The following DPP6 variants were observed in gnomAD, a reference collection of about 807,000 sequenced individuals.
The protein encoded by DPP6 is A-type potassium channel modulatory protein DPP6.
A neutral mutation model predicts 122.6 loss-of-function variants in DPP6; 69 were observed. That is an observed-to-expected ratio of 0.56 (90% CI 0.46 to 0.69). The LOEUF is 0.69. Ranked by LOEUF, DPP6 falls within the 30% of genes least tolerant of loss-of-function variation. The pLI, the probability that DPP6 is intolerant of heterozygous loss-of-function variation, is 0.00. For missense variants in DPP6, 928 were observed against 1,116.9 expected (o/e 0.83, Z 2.41); for synonymous variants, 418 against 433.1 (o/e 0.97, Z 0.43).
intron 1 of DPP6, among the ~76,000 whole-genome samples, chr7:154,140,418 A>G (rs1422454027): frequency 4.6e-5 from 7 of 152,216 alleles, no homozygotes; most frequent in Non-Finnish European, 8.8e-5. Flanking sequence ...CACTTGCCTG[A>G]TAGAAAACCA....
Position 154,624,853 on chromosome 7 carries a change from C to T in DPP6, c.628-12968C>T, listed in dbSNP as rs1563027773. 6.6e-6 allele frequency among the ~76,000 whole-genome samples: 1 copy of T among 152,280 alleles called. No homozygotes were observed. Among genetic ancestry groups the T allele is most frequent in the Non-Finnish European group, 1.5e-5 (1 of 68,020 alleles). On this transcript the variant is annotated intron_variant, in intron 5 of 25. Transcript: ENST00000377770. This position sits in a 1 kb window ranked among gnomAD's most constrained non-coding sequence, Gnocchi z 4.7. ...AACAGAAGCAGGCACACAGCGGCCC[C>T]GTCTTCCTCCCATCTGTGAGCATGC...
At chr7:154,160,377 C>A (rs1796918169) in intron 1 of DPP6, among the ~76,000 whole-genome samples, 1 of 152,180 alleles carries the variant, frequency 6.6e-6, no homozygotes, top group South Asian at 2.1e-4. Context: ...TCACCTGTTT[C>A]CACAAGTGCT....
chr7:154,338,514 G>GA (rs1254828601), intron 1 of DPP6, among the ~76,000 whole-genome samples: 1 of 152,094 alleles, frequency 6.6e-6, no homozygotes, highest in African/African-American at 2.4e-5. Flanking sequence ...AAAAGAAAAA[G>GA]AAAGAAAAGA....
chr7:154,596,782 C>T (rs900769225), intron 5 of DPP6, among the ~76,000 whole-genome samples: 3 of 152,076 alleles, frequency 2.0e-5, no homozygotes, highest in Non-Finnish European at 4.4e-5. Context: ...ACAAATGAGG[C>T]GAATCTGAAC....
At chr7:154,443,937 C>T (rs73726875) in intron 1 of DPP6, among the ~76,000 whole-genome samples, 28,659 of 151,386 alleles carry the variant, frequency 0.19, 3,895 homozygotes, top group African/African-American at 0.38. Context: ...TGCCGGGGGA[C>T]AACCTAGTGA....
chr7:153,886,575 G>A (rs1798924279), upstream of DPP6, among the ~76,000 whole-genome samples: 4 of 152,182 alleles, frequency 2.6e-5, no homozygotes. Flanking sequence ...TGGAGGCCGG[G>A]AAGCCAGGTG....
intron 1 of DPP6, among the ~76,000 whole-genome samples, chr7:153,958,250 G>A (rs1192254571): frequency 1.3e-5 from 2 of 152,154 alleles, no homozygotes; most frequent in African/African-American, 4.8e-5. Context: ...TGTGTAAGAG[G>A]TTAGTGAGGC....
chr7:154,453,083 C>A (rs1223038335), intron 2 of DPP6, among the ~76,000 whole-genome samples: 2 of 152,188 alleles, frequency 1.3e-5, no homozygotes, highest in African/African-American at 4.8e-5. Flanking sequence ...ACAGTTCCCG[C>A]ATTCTGATGG....
At chr7:154,255,309 A>G (rs896214406) in intron 1 of DPP6, among the ~76,000 whole-genome samples, 1 of 152,240 alleles carries the variant, frequency 6.6e-6, no homozygotes, top group Non-Finnish European at 1.5e-5. Context: ...GTGAAATGTT[A>G]AAAGGTTTTA....
At chr7:154,143,875 A>G (rs942692866) in intron 1 of DPP6, among the ~76,000 whole-genome samples, 3 of 152,166 alleles carry the variant, frequency 2.0e-5, no homozygotes, top group Admixed American at 6.5e-5. Flanking sequence ...TTTTTTGTAC[A>G]TATATCTTTG....
rs1200617313 is a variant in DPP6, at chr7:153,918,462, A to ACT, written c.51+30729_51+30730insTC. On this transcript the variant is annotated intron_variant, in intron 1 of 25. Transcript: ENST00000404039. ...CACACACACACACACACACACACAC[A>ACT]CACACTCTCTCTCTCTCTCTCTCTC... is the stretch of plus-strand genomic sequence containing the variant. 5.1e-3 allele frequency among the ~76,000 whole-genome samples: 406 copies of ACT among 80,222 alleles called. 4 individuals carry two copies. The highest frequency in any genetic ancestry group is 8.0e-3 in the Non-Finnish European group (310 of 38,904). The allele number at this position is 80,222 out of a possible 152,430, so 52.6% of individuals were successfully genotyped here. A position where few individuals can be genotyped will look rare whatever the true frequency, so the allele number is the denominator to read the frequency against.
chr7:154,715,594 T>G (rs1472449596), intron 7 of DPP6, among the ~76,000 whole-genome samples: 1 of 152,210 alleles, frequency 6.6e-6, no homozygotes, highest in African/African-American at 2.4e-5. Context: ...AATGGTACCC[T>G]GCAGCCGTCA....
intron 5 of DPP6, among the ~76,000 whole-genome samples, chr7:154,588,910 A>G (rs545611352): frequency 4.6e-5 from 7 of 152,302 alleles, no homozygotes; most frequent in African/African-American, 1.4e-4. Flanking sequence ...CAGAATCTGG[A>G]TGCTAAAAAC....
At chr7:153,886,862 C>A (rs1798939301), upstream of DPP6, among the ~76,000 whole-genome samples, 1 of 152,162 alleles carries the variant, frequency 6.6e-6, no homozygotes, top group African/African-American at 2.4e-5. Context: ...TCCCTTCTCT[C>A]GCGGGCGCAG....
At chr7:153,989,026 CT>C in intron 1 of DPP6, among the ~76,000 whole-genome samples, 1 of 150,408 alleles carries the variant, frequency 6.6e-6, no homozygotes, top group Non-Finnish European at 1.5e-5. Flanking sequence ...GAGCTTTTCC[CT>C]GGCCTGCTCT....
chr7:153,888,819 TGAA>T (rs1262886163), intron 1 of DPP6, among the ~76,000 whole-genome samples: 1 of 150,554 alleles, frequency 6.6e-6, no homozygotes, highest in Non-Finnish European at 1.5e-5. Flanking sequence ...CCGTAAGAAT[TGAA>T]GAAATTCTTT....
chr7:153,801,006 T>G, the DPP6 span, among the ~76,000 whole-genome samples: 1 of 151,952 alleles, frequency 6.6e-6, no homozygotes, highest in African/African-American at 2.4e-5. Context: ...ACATATCAAT[T>G]TTTTAAATTA....
intron 1 of DPP6, among the ~76,000 whole-genome samples, chr7:153,965,341 C>T (rs1390653986): frequency 1.3e-5 from 2 of 151,966 alleles, no homozygotes; most frequent in East Asian, 3.9e-4. Flanking sequence ...GGTTATTTCT[C>T]CAGCCTCCCC....
intron 1 of DPP6, chr7:154,095,164 G>A: frequency 6.6e-6 from 1 of 151,054 alleles, no homozygotes; most frequent in South Asian, 2.2e-4. Context: ...AAGTATTTGA[G>A]GCAGCTCCTG....
Sources: gnomAD v4.1 joint callset for allele counts (sites outside exome capture counted in the v4.1 genomes callset) on GRCh38, gnomAD v4.1.1 for gene constraint, Gnocchi (gnomAD v3.1) non-coding constraint, MANE v1.5 for transcripts, NCBI Gene and HGNC (gene_info 2026-07-23, HGNC 2026-07-21) for gene names.